The following HPSE2 variants were observed in gnomAD, a reference collection of about 807,000 sequenced individuals.
HPSE2 encodes the protein heparanase 2 (inactive).
In HPSE2, 38 loss-of-function variants were observed where a neutral mutation model predicts 60.5. The ratio of observed to expected loss-of-function variants is 0.63; its 90% CI spans 0.48 to 0.82. HPSE2 has a LOEUF of 0.82. Among genes scored for constraint, HPSE2 ranks in the 40% least tolerant of loss-of-function variants. The pLI, the probability that HPSE2 is intolerant of heterozygous loss-of-function variation, is 0.00. For synonymous variants in HPSE2, 295 were observed against 293.2 expected (o/e 1.01, Z -0.06); for missense variants, 713 against 740.4 (o/e 0.96, Z 0.43).
chr10:98,941,537 T>G (rs1000951201), intron 3 of HPSE2, among the ~76,000 whole-genome samples: 2 of 142,690 alleles, frequency 1.4e-5, no homozygotes, highest in African/African-American at 5.8e-5. Context: ...GTGAAGGACC[T>G]CTTCAAGGAG....
rs117048683 is a variant in HPSE2, at chr10:98,735,090, C to G, written c.784+8793G>C. On this transcript the variant is annotated intron_variant, in intron 4 of 11. Transcript: ENST00000370552. The stretch of plus-strand genomic sequence containing the variant: ...TTGAAAGGTGCAAAATGTCATGTAT[C>G]CACCATTACAGTACCATACCTCTTT... Among the ~76,000 whole-genome samples, 991 of 152,104 alleles carry G rather than the reference C, an allele frequency of 6.5e-3. 2 individuals are homozygous for G. The highest frequency in any genetic ancestry group is 0.026 in the South Asian group (124 of 4,822).
rs548656836 is a variant in HPSE2, at chr10:98,833,476, T to C, written c.611-89420A>G. Among the ~76,000 whole-genome samples the C allele has an allele frequency of 7.2e-5, 11 of 152,296 alleles. No individual in the cohort carries two copies. In the South Asian group the frequency reaches 1.2e-3, roughly 17 times the overall value. On this transcript the variant is annotated intron_variant, in intron 3 of 11. Transcript: ENST00000370552. ...TTGTTTTAAAACATTACTATCAAAATGATATTGTTATTAATAGGTAACATT... is the reference window on the plus strand; with the variant it reads ...TTGTTTTAAAACATTACTATCAAAACGATATTGTTATTAATAGGTAACATT...
rs200059066 is a variant in HPSE2, at chr10:99,184,522, C to CAAAAAAAAAAAAAAAAA, written c.449-40140_449-40124dup. On this transcript the variant is annotated intron_variant, in intron 2 of 11. Coordinates refer to ENST00000370552, the MANE Select transcript of HPSE2 (RefSeq NM_021828.5). ...CCTGGGCAACAGAGCGAGACTGTCT[C>CAAAAAAAAAAAAAAAAA]AAAAAAAAAAAAAAAAAAAAAAAAA... Among the ~76,000 whole-genome samples, 4 of 60,788 alleles carry CAAAAAAAAAAAAAAAAA rather than the reference C, an allele frequency of 6.6e-5. 1 individual carries two copies. Among genetic ancestry groups the CAAAAAAAAAAAAAAAAA allele is most frequent in the African/African-American group, 2.4e-4 (2 of 8,248 alleles). The allele number at this position is 60,788 out of a possible 152,430, so 39.9% of individuals were successfully genotyped here. A position where few individuals can be genotyped will look rare whatever the true frequency, so the allele number is the denominator to read the frequency against.
the HPSE2 span, among the ~76,000 whole-genome samples, chr10:99,297,783 C>A: frequency 6.6e-6 from 1 of 151,898 alleles, no homozygotes; most frequent in Non-Finnish European, 1.5e-5. Flanking sequence ...GGCGAGGGGA[C>A]CCTTATTGGC....
chr10:99,093,937 T>G (rs907449571), intron 3 of HPSE2, among the ~76,000 whole-genome samples: 5 of 152,060 alleles, frequency 3.3e-5, no homozygotes, highest in Non-Finnish European at 7.4e-5. Context: ...ACACATACTA[T>G]GTGTATAGAT....
chr10:99,232,356 T>G lies in HPSE2; in HGVS notation c.440A>C (p.Tyr147Ser). 1 of 1,551,150 alleles carries G rather than the reference T, an allele frequency of 6.4e-7. No homozygotes were observed. ...GPGPDYYLKN[Y>S]EDDIVRSDVA... ...GTAATCAAGTTTCTCACCATCCTCATAGTTTTTGAGATAGTAATCCGGGCC... is the reference window on the plus strand; with the variant it reads ...GTAATCAAGTTTCTCACCATCCTCAGAGTTTTTGAGATAGTAATCCGGGCC... Residue 147 changes from tyrosine (Y) to serine (S), a missense_variant, in exon 2 of 12, where the codon TAT becomes TCT. By Grantham distance (144) the Tyr-to-Ser change is moderately radical. Coordinates refer to ENST00000370552, the MANE Select transcript of HPSE2 (RefSeq NM_021828.5).
intron 3 of HPSE2, among the ~76,000 whole-genome samples, chr10:98,832,185 T>C (rs1951698673): frequency 6.6e-6 from 1 of 151,892 alleles, no homozygotes; most frequent in South Asian, 2.1e-4. Flanking sequence ...ATTGATATAA[T>C]GCTTTGATAA....
At chr10:99,031,791 A>C (rs1353841264) in intron 3 of HPSE2, among the ~76,000 whole-genome samples, 1 of 152,232 alleles carries the variant, frequency 6.6e-6, no homozygotes, top group Non-Finnish European at 1.5e-5. Flanking sequence ...CCTCAACCAC[A>C]TTGATAAACA....
Position 98,506,008 on chromosome 10 carries a change from T to C in HPSE2, c.1321-15812A>G, listed in dbSNP as rs1591284655. On this transcript the variant is annotated intron_variant, in intron 9 of 11. Coordinates refer to ENST00000370552, the MANE Select transcript of HPSE2 (RefSeq NM_021828.5). Reference sequence around the variant, plus strand: ...TAGTCTTTGCTCAGTTATAGACACTTCGGCATCAGATTATCTAGTATCTAA... The same window carrying C: ...TAGTCTTTGCTCAGTTATAGACACTCCGGCATCAGATTATCTAGTATCTAA... Among the ~76,000 whole-genome samples, 4 of 152,308 alleles carry C rather than the reference T, an allele frequency of 2.6e-5. No individual in the cohort carries two copies. The South Asian group carries it at 8.3e-4, about 32-fold the overall frequency.
At chr10:98,579,483 G>A (rs1250730451) in intron 9 of HPSE2, among the ~76,000 whole-genome samples, 1 of 152,054 alleles carries the variant, frequency 6.6e-6, no homozygotes, top group Non-Finnish European at 1.5e-5. Context: ...TTGCCTGATC[G>A]CCAGGTTATT....
At chr10:98,995,757 A>C (rs1358888057) in intron 3 of HPSE2, among the ~76,000 whole-genome samples, 1 of 152,208 alleles carries the variant, frequency 6.6e-6, no homozygotes, top group African/African-American at 2.4e-5. Context: ...GTAAATAAAA[A>C]GCCAATAATC....
chr10:98,695,644 A>C (rs780950488), intron 5 of HPSE2, among the ~76,000 whole-genome samples: 8 of 152,120 alleles, frequency 5.3e-5, no homozygotes, highest in Non-Finnish European at 8.8e-5. Context: ...CCAATTTTTG[A>C]TGGAGTCATG....
intron 9 of HPSE2, among the ~76,000 whole-genome samples, chr10:98,541,122 G>A (rs1038394531): frequency 6.6e-6 from 1 of 151,982 alleles, no homozygotes; most frequent in African/African-American, 2.4e-5. Flanking sequence ...GTTGTAAAAA[G>A]TTTTCCTCTT....
At chr10:98,901,700 G>A (rs537447798) in intron 3 of HPSE2, among the ~76,000 whole-genome samples, 52 of 152,280 alleles carry the variant, frequency 3.4e-4, no homozygotes, top group African/African-American at 1.2e-3. Context: ...AACAGAGAGA[G>A]TTTATATAAC....
At chr10:98,929,773 C>T (rs1455978678) in intron 3 of HPSE2, among the ~76,000 whole-genome samples, 1 of 144,084 alleles carries the variant, frequency 6.9e-6, no homozygotes, top group Non-Finnish European at 1.5e-5. Flanking sequence ...TTGTTTAAAA[C>T]AAACAGCCCA....
intron 3 of HPSE2, among the ~76,000 whole-genome samples, chr10:98,987,198 G>A (rs1956384969): frequency 2.0e-5 from 3 of 151,746 alleles, no homozygotes; most frequent in African/African-American, 4.8e-5. Flanking sequence ...AAAAAAAAAA[G>A]AGAATTTTAG....
At chr10:98,658,060 C>A (rs1947123125) in intron 6 of HPSE2, among the ~76,000 whole-genome samples, 1 of 152,102 alleles carries the variant, frequency 6.6e-6, no homozygotes, top group East Asian at 1.9e-4. Context: ...CACTGCAGGG[C>A]ACATTCCATC....
chr10:98,599,426 G>A (rs1024729876), intron 9 of HPSE2, among the ~76,000 whole-genome samples: 3 of 152,168 alleles, frequency 2.0e-5, no homozygotes, highest in Admixed American at 2.0e-4. Context: ...CTGAAGCCCA[G>A]GACCACTAGG....
intron 3 of HPSE2, among the ~76,000 whole-genome samples, chr10:98,789,090 C>A (rs1249934740): frequency 6.6e-6 from 1 of 152,192 alleles, no homozygotes; most frequent in Non-Finnish European, 1.5e-5. Context: ...AATGTAAGCT[C>A]CATGAGGACA....
Sources: gnomAD v4.1 joint callset for allele counts (sites outside exome capture counted in the v4.1 genomes callset) on GRCh38, gnomAD v4.1.1 for gene constraint, MANE v1.5 for transcripts, NCBI Gene and HGNC (gene_info 2026-07-23, HGNC 2026-07-21) for gene names.